ADGRL2: variants seen among roughly 807,000 people sequenced by gnomAD.
ADGRL2 encodes the protein adhesion G protein-coupled receptor L2.
In ADGRL2, 44 loss-of-function variants were observed where a neutral mutation model predicts 157.4. The ratio of observed to expected loss-of-function variants is 0.28; its 90% CI spans 0.22 to 0.36. ADGRL2 has a LOEUF of 0.36. ADGRL2 is among the 10% of genes least tolerant of loss of function. ADGRL2 has a pLI of 1.00. For synonymous variants in ADGRL2, 585 were observed against 624.7 expected (o/e 0.94, Z 0.95); for missense variants, 1,510 against 1,768.9 (o/e 0.85, Z 2.63).
intron 3 of ADGRL2, among the ~76,000 whole-genome samples, chr1:81,584,804 C>T (rs2080990455): frequency 1.3e-5 from 2 of 152,072 alleles, no homozygotes; most frequent in South Asian, 4.1e-4. Context: ...ACAGTGATAA[C>T]TTCTAAGATT....
rs1213682817 is a variant in ADGRL2, at chr1:81,356,910, G to A, written c.-302+50401G>A. 6.6e-5 allele frequency among the ~76,000 whole-genome samples: 8 copies of A among 121,350 alleles called. No homozygotes were observed. In the East Asian group the frequency reaches 1.2e-3, roughly 18 times the overall value. The allele number at this position is 121,350 out of a possible 152,430, so 79.6% of individuals were successfully genotyped here. ...GGAGCTTGCAGTGAGCAGAGATCGC[G>A]CCACTGCACTCCAGCCTGGGGGACA... is the stretch of plus-strand genomic sequence containing the variant. On this transcript the variant is annotated intron_variant, in intron 1 of 24. Transcript: ENST00000370721.
chr1:81,622,249 A>G (rs1480302166), intron 3 of ADGRL2, among the ~76,000 whole-genome samples: 4 of 152,156 alleles, frequency 2.6e-5, no homozygotes, highest in Admixed American at 2.6e-4. Context: ...TTATGTATAT[A>G]TATGTGTCCA....
intron 3 of ADGRL2, among the ~76,000 whole-genome samples, chr1:81,589,201 G>A (rs1028734740): frequency 6.6e-6 from 1 of 152,148 alleles, no homozygotes; most frequent in Non-Finnish European, 1.5e-5. Context: ...TGAACTCCAC[G>A]AGCATGTGCC....
At chr1:81,988,375 A>C (rs986412830) in intron 23 of ADGRL2, 1 of 152,190 alleles carries the variant, frequency 6.6e-6, no homozygotes, top group African/African-American at 2.4e-5. Flanking sequence ...GATAAAACAA[A>C]AGAAAATCTT....
At chr1:81,603,893 A>G (rs79956012) in intron 3 of ADGRL2, among the ~76,000 whole-genome samples, 2,391 of 152,304 alleles carry the variant, frequency 0.016, 33 homozygotes, top group Middle Eastern at 0.048. Flanking sequence ...ACTTTGTTTA[A>G]CAAATGAATC....
chr1:81,977,514 T>C (rs1660507458), intron 17 of ADGRL2, among the ~76,000 whole-genome samples: 1 of 151,828 alleles, frequency 6.6e-6, no homozygotes, highest in African/African-American at 2.4e-5. Flanking sequence ...AAGTTGTCCC[T>C]GATTTTTGCC....
At chr1:81,719,817 G>GCGTT (rs1230063256) in intron 1 of ADGRL2, among the ~76,000 whole-genome samples, 3 of 152,082 alleles carry the variant, frequency 2.0e-5, no homozygotes, top group Non-Finnish European at 4.4e-5. Flanking sequence ...TTGACTCAGA[G>GCGTT]CGTTTTTTGA....
intron 3 of ADGRL2, among the ~76,000 whole-genome samples, chr1:81,659,494 C>T (rs2082608535): frequency 6.6e-6 from 1 of 152,180 alleles, no homozygotes. Flanking sequence ...GGCTTCTTTC[C>T]TGTCTGAGTT....
At chr1:81,722,956 T>C in intron 1 of ADGRL2, 1 of 767,122 alleles carries the variant, frequency 1.3e-6, no homozygotes, top group Non-Finnish European at 2.3e-6. Context: ...ATCCAGAAGT[T>C]ATGGTGGCCT....
chr1:81,900,327 G>A (rs1360588731), intron 2 of ADGRL2, among the ~76,000 whole-genome samples: 1 of 152,158 alleles, frequency 6.6e-6, no homozygotes, highest in Non-Finnish European at 1.5e-5. Flanking sequence ...TCTAGCAGAT[G>A]TTTAAAGCCT....
chr1:81,891,620 A>G (rs2094266769), intron 2 of ADGRL2, among the ~76,000 whole-genome samples: 1 of 151,886 alleles, frequency 6.6e-6, no homozygotes, highest in Non-Finnish European at 1.5e-5. Flanking sequence ...TTCCCTTTCC[A>G]TTTCTTACCT....
chr1:81,911,535 T>A (rs1313024764), intron 3 of ADGRL2, among the ~76,000 whole-genome samples: 1 of 152,210 alleles, frequency 6.6e-6, no homozygotes, highest in Non-Finnish European at 1.5e-5. Context: ...AAATTTTAAC[T>A]GTTTTTTCAC....
intron 2 of ADGRL2, among the ~76,000 whole-genome samples, chr1:81,784,925 T>C (rs777940430): frequency 6.6e-6 from 1 of 152,098 alleles, no homozygotes; most frequent in East Asian, 1.9e-4. Context: ...TATCTTTCAA[T>C]TTGGCAGAAG....
At chr1:81,414,111 C>A (rs2076994718) in intron 1 of ADGRL2, 1 of 152,188 alleles carries the variant, frequency 6.6e-6, no homozygotes, top group Non-Finnish European at 1.5e-5. Context: ...TGTGCTGTAT[C>A]ATATTCTTGC....
rs185662535 is a variant in ADGRL2 at position 81,854,872 on chromosome 1, G to T, written c.73+17815G>T. On this transcript the variant is annotated intron_variant, in intron 2 of 23. Coordinates refer to ENST00000686636, the MANE Select transcript of ADGRL2 (RefSeq NM_001366006.2). The stretch of plus-strand genomic sequence containing the variant: ...GGTCAATGTGTGCCGAAGGTGAGGG[G>T]TGACAAAAGATAGCTCTGGATGAAG... Among the ~76,000 whole-genome samples, 119 of 152,216 alleles carry T rather than the reference G, an allele frequency of 7.8e-4. 1 individual carries two copies. In the East Asian group the frequency reaches 0.013, roughly 17 times the overall value.
intron 2 of ADGRL2, among the ~76,000 whole-genome samples, chr1:81,873,989 T>G (rs2151066481): frequency 6.6e-6 from 1 of 152,288 alleles, no homozygotes; most frequent in East Asian, 1.9e-4. Context: ...AGTAAGTATT[T>G]AACTCCAGAT....
rs374506185 is a variant in ADGRL2 at position 81,657,146 on chromosome 1, C to T, written c.-143+76166C>T. Among the ~76,000 whole-genome samples, 40 of 152,164 alleles carry T rather than the reference C, an allele frequency of 2.6e-4. 1 individual carries two copies. The South Asian group carries it at 7.9e-3, about 30-fold the overall frequency. ...GGTGCTATGGTCTAAATATTTGTGT[C>T]CTTCCAAAACTCATACATTGAAACC... is the stretch of plus-strand genomic sequence containing the variant. On this transcript the variant is annotated intron_variant, in intron 3 of 24. Coordinates refer to the ADGRL2 transcript ENST00000370721.
At chr1:81,508,983 A>C (rs2079028736) in intron 2 of ADGRL2, among the ~76,000 whole-genome samples, 1 of 152,206 alleles carries the variant, frequency 6.6e-6, no homozygotes, top group Admixed American at 6.5e-5. Flanking sequence ...GGAATGGTTC[A>C]TCTGTCTTTT....
At chr1:81,629,354 T>C (rs1180518917) in intron 3 of ADGRL2, among the ~76,000 whole-genome samples, 1 of 152,076 alleles carries the variant, frequency 6.6e-6, no homozygotes. Context: ...CCCTATACCT[T>C]ATAAAATCAG....
Sources: allele counts gnomAD v4.1 joint callset (sites outside exome capture counted in the v4.1 genomes callset), GRCh38; gene constraint gnomAD v4.1.1; transcripts MANE v1.5; gene names NCBI Gene and HGNC (gene_info 2026-07-23, HGNC 2026-07-21).